The following CUX1 variants were observed in gnomAD, a reference collection of about 807,000 sequenced individuals.
CUX1 encodes the protein protein CASP.
A neutral mutation model predicts 158.8 loss-of-function variants in CUX1; 31 were observed. That is an observed-to-expected ratio of 0.20 (90% CI 0.15 to 0.26). The LOEUF (loss-of-function observed/expected upper bound fraction) is 0.26. Among genes scored for constraint, CUX1 ranks in the 10% least tolerant of loss-of-function variants. The pLI, the probability that CUX1 is intolerant of heterozygous loss-of-function variation, is 1.00. For synonymous variants in CUX1, 879 were observed against 862.1 expected, an observed-to-expected ratio of 1.02 and a Z score of -0.34; for missense variants, 1,589 against 2,014.6, an observed-to-expected ratio of 0.79 and a Z score of 4.04.
intron 2 of CUX1, among the ~76,000 whole-genome samples, chr7:101,951,660 C>A (rs1809074955): frequency 6.6e-6 from 1 of 152,158 alleles, no homozygotes; most frequent in Non-Finnish European, 1.5e-5. Flanking sequence ...CGTCCGCCAC[C>A]ACACCCTGGC....
At chr7:102,229,407 G>A (rs1355055238) in intron 21 of CUX1, among the ~76,000 whole-genome samples, 1 of 151,166 alleles carries the variant, frequency 6.6e-6, no homozygotes, top group East Asian at 1.9e-4. Context: ...TGAATGCCGG[G>A]TTCACGCGAT....
chr7:102,225,129 C>T (rs1399282392), intron 20 of CUX1, among the ~76,000 whole-genome samples: 3 of 152,152 alleles, frequency 2.0e-5, no homozygotes, highest in Admixed American at 2.0e-4. Context: ...TCACATTGCC[C>T]TAAAGATTTA....
At chr7:101,841,055 G>A (rs1795150436) in intron 1 of CUX1, among the ~76,000 whole-genome samples, 1 of 151,818 alleles carries the variant, frequency 6.6e-6, no homozygotes, top group Non-Finnish European at 1.5e-5. Context: ...CACCACGCCT[G>A]GCTAATTTTT....
intron 2 of CUX1, among the ~76,000 whole-genome samples, chr7:101,986,551 C>T (rs1814323375): frequency 1.3e-5 from 2 of 152,206 alleles, no homozygotes; most frequent in Admixed American, 6.5e-5. Flanking sequence ...GCAGGCTCCC[C>T]AGGCCCATCG....
chr7:101,909,016 TGGGAGGATC>T (rs1424893327), intron 1 of CUX1, among the ~76,000 whole-genome samples: 2 of 151,492 alleles, frequency 1.3e-5, no homozygotes, highest in Admixed American at 6.6e-5. Context: ...GAGGCTGAGG[TGGGAGGATC>T]ACTTGAGGCC....
intron 3 of CUX1, among the ~76,000 whole-genome samples, chr7:102,068,177 G>A (rs932348765): frequency 9.9e-5 from 15 of 151,668 alleles, no homozygotes; most frequent in African/African-American, 3.6e-4. Context: ...CTGCAGCCTC[G>A]AACTGCTAGG....
chr7:101,898,648 C>T (rs550047711), intron 1 of CUX1, among the ~76,000 whole-genome samples: 178 of 143,566 alleles, frequency 1.2e-3, no homozygotes, highest in Non-Finnish European at 2.1e-3. Flanking sequence ...TGGAGTGCAG[C>T]GGCGCGACCT....
intron 8 of CUX1, among the ~76,000 whole-genome samples, chr7:102,146,045 T>C (rs966742812): frequency 6.6e-6 from 1 of 152,186 alleles, no homozygotes; most frequent in Non-Finnish European, 1.5e-5. Context: ...AGACCACAAT[T>C]TTCCTAATTT....
intron 1 of CUX1, among the ~76,000 whole-genome samples, chr7:101,859,851 C>T (rs907450371): frequency 1.3e-5 from 2 of 150,200 alleles, no homozygotes; most frequent in African/African-American, 2.5e-5. Flanking sequence ...TGCTTCTTTC[C>T]TTCTTTCCTT....
chr7:102,266,962 A>G (rs1425405937), intron 14 of CUX1, among the ~76,000 whole-genome samples: 1 of 152,020 alleles, frequency 6.6e-6, no homozygotes, highest in Non-Finnish European at 1.5e-5. Flanking sequence ...CTGCTAGGAG[A>G]ACATGCTTGC....
At chr7:101,902,338 T>C (rs1175774696) in intron 1 of CUX1, among the ~76,000 whole-genome samples, 1 of 152,134 alleles carries the variant, frequency 6.6e-6, no homozygotes, top group African/African-American at 2.4e-5. Flanking sequence ...CCTCAGGACC[T>C]GGGGGTCATT....
intron 2 of CUX1, among the ~76,000 whole-genome samples, chr7:102,013,471 C>T (rs1015981241): frequency 2.0e-5 from 3 of 152,142 alleles, no homozygotes; most frequent in African/African-American, 7.2e-5. Context: ...AAGAAAATTC[C>T]AGGACCGCAT....
At chr7:101,981,202 C>G (rs1037572510) in intron 2 of CUX1, among the ~76,000 whole-genome samples, 2 of 152,080 alleles carry the variant, frequency 1.3e-5, no homozygotes, top group Admixed American at 1.3e-4. Flanking sequence ...CCCCTCCTCC[C>G]CCAACCTATA....
chr7:101,870,438 C>T lies in CUX1; in HGVS notation c.31-45677C>T, dbSNP rs193186803. Among the ~76,000 whole-genome samples the T allele has an allele frequency of 1.4e-4, 21 of 152,136 alleles. No homozygotes were observed. In the East Asian group the frequency reaches 2.5e-3, roughly 18 times the overall value. ...TCACCCGCCTTGGCCTCTTAAGTAC[C>T]GGGATTACAGGCATGAGACATTCCC... is the stretch of plus-strand genomic sequence containing the variant. On this transcript the variant is annotated intron_variant, in intron 1 of 23. Coordinates refer to ENST00000292535, the MANE Select transcript of CUX1 (RefSeq NM_181552.4).
intron 14 of CUX1, among the ~76,000 whole-genome samples, chr7:102,265,249 G>A (rs1005616389): frequency 9.9e-5 from 15 of 151,874 alleles, no homozygotes; most frequent in African/African-American, 3.4e-4. Context: ...CCAGCTACTT[G>A]GGAGGCTGAG....
At chr7:101,984,988 T>C (rs904677018) in intron 2 of CUX1, among the ~76,000 whole-genome samples, 2 of 152,200 alleles carry the variant, frequency 1.3e-5, no homozygotes, top group Non-Finnish European at 2.9e-5. Context: ...ATTGGGGCCC[T>C]GGTTTTATTT....
At chr7:101,841,453 CT>C (rs112418814) in intron 1 of CUX1, among the ~76,000 whole-genome samples, 5 of 151,214 alleles carry the variant, frequency 3.3e-5, no homozygotes, top group African/African-American at 4.9e-5. Context: ...TTAATCTTGC[CT>C]TTTTTTTATG....
chr7:102,195,058 A>G (rs1794647240), intron 13 of CUX1, among the ~76,000 whole-genome samples: 1 of 151,142 alleles, frequency 6.6e-6, no homozygotes, highest in South Asian at 2.1e-4. Context: ...TAAAATTGAC[A>G]TCCTAAGTGG....
Position 102,201,859 on chromosome 7 carries a change from C to CGGTGGCAGCGGA in CUX1, c.2572_2583dup (p.Gly858_Ser861dup). ...CGGGCGGCGGGAAAGAGAAGGGCAG[C>CGGTGGCAGCGGA]GGTGGCAGCGGAGGTGGCAGCCAGC... On this transcript the variant is annotated inframe_insertion, in exon 18 of 24. Coordinates refer to ENST00000292535, the MANE Select transcript of CUX1 (RefSeq NM_181552.4). The surrounding 1 kb of genome is among the most constrained non-coding windows in gnomAD (Gnocchi z 5.0). 6.2e-7 allele frequency: 1 copy of CGGTGGCAGCGGA among 1,613,184 alleles called. No individual in the cohort carries two copies. Among genetic ancestry groups the CGGTGGCAGCGGA allele is most frequent in the Non-Finnish European group, 8.5e-7 (1 of 1,179,860 alleles).
Sources: gnomAD v4.1 joint callset for allele counts (sites outside exome capture counted in the v4.1 genomes callset) on GRCh38, gnomAD v4.1.1 for gene constraint, Gnocchi (gnomAD v3.1) non-coding constraint, MANE v1.5 for transcripts, NCBI Gene and HGNC (gene_info 2026-07-23, HGNC 2026-07-21) for gene names.